The following CMIP variants were observed in gnomAD, a reference collection of about 807,000 sequenced individuals.
The protein encoded by CMIP is c-Maf inducing protein.
A neutral mutation model predicts 97.3 loss-of-function variants in CMIP; 13 were observed. The observed-to-expected ratio is 0.13, with a 90% CI of 0.09 to 0.21. CMIP has a LOEUF of 0.21. Among genes scored for constraint, CMIP ranks in the 10% least tolerant of loss-of-function variants. The probability of loss-of-function intolerance (pLI) is 1.00; values close to 1 mark genes in which losing one functional copy is unlikely to be tolerated. For synonymous variants in CMIP, 538 were observed against 436.3 expected (o/e 1.23, Z -2.91); for missense variants, 847 against 1,024.9 (o/e 0.83, Z 2.37).
At chr16:81,551,052 C>G (rs1181407559) in intron 1 of CMIP, among the ~76,000 whole-genome samples, 1 of 145,910 alleles carries the variant, frequency 6.9e-6, no homozygotes, top group African/African-American at 2.6e-5. Flanking sequence ...GTCACACGCA[C>G]CCCAGTCCCG....
chr16:81,573,543 A>G (rs751283154), intron 1 of CMIP, among the ~76,000 whole-genome samples: 6 of 152,038 alleles, frequency 3.9e-5, no homozygotes, highest in Non-Finnish European at 7.4e-5. Context: ...CTCATATTTG[A>G]TGGTTAAAAA....
intron 1 of CMIP, among the ~76,000 whole-genome samples, chr16:81,532,226 A>T (rs2090251530): frequency 6.6e-6 from 1 of 152,208 alleles, no homozygotes; most frequent in Non-Finnish European, 1.5e-5. Context: ...CACGCTGGCC[A>T]CGGATCACCT....
At chr16:81,582,125 C>T (rs2091305951) in intron 1 of CMIP, among the ~76,000 whole-genome samples, 1 of 152,050 alleles carries the variant, frequency 6.6e-6, no homozygotes, top group East Asian at 1.9e-4. Context: ...CCAACAATAC[C>T]AAGAGGGATG....
chr16:81,626,818 G>GT (rs1567618536), intron 3 of CMIP, among the ~76,000 whole-genome samples: 2 of 124,016 alleles, frequency 1.6e-5, no homozygotes, highest in South Asian at 2.8e-4. Context: ...TGTGTGTGTG[G>GT]GGTGCATATG....
At chr16:81,452,443 C>T (rs1906274865) in intron 1 of CMIP, among the ~76,000 whole-genome samples, 1 of 152,146 alleles carries the variant, frequency 6.6e-6, no homozygotes, top group East Asian at 1.9e-4. Flanking sequence ...CAGGAGCCTG[C>T]CCTCGTGGAG....
chr16:81,648,371 C>T (rs1269245786), intron 3 of CMIP, among the ~76,000 whole-genome samples: 1 of 152,014 alleles, frequency 6.6e-6, no homozygotes, highest in Non-Finnish European at 1.5e-5. Context: ...CAGCTGGCCA[C>T]CCCCTCAGCA....
chr16:81,674,279 G>A (rs1444534413), intron 9 of CMIP, among the ~76,000 whole-genome samples: 1 of 152,226 alleles, frequency 6.6e-6, no homozygotes, highest in African/African-American at 2.4e-5. Flanking sequence ...ACGGAAGCCA[G>A]AGGGTAGTAT....
intron 1 of CMIP, among the ~76,000 whole-genome samples, chr16:81,448,111 C>T (rs1364498726): frequency 2.6e-5 from 4 of 152,216 alleles, no homozygotes; most frequent in African/African-American, 4.8e-5. Flanking sequence ...TCGCAGCAGC[C>T]GCTGGCCCAG....
intron 1 of CMIP, among the ~76,000 whole-genome samples, chr16:81,485,066 A>AC (rs2089294780): frequency 6.6e-6 from 1 of 151,758 alleles, no homozygotes; most frequent in African/African-American, 2.4e-5. Flanking sequence ...GCCTGACTCC[A>AC]CCCCCAGAGG....
intron 20 of CMIP, among the ~76,000 whole-genome samples, chr16:81,707,858 T>C (rs889582): frequency 0.11 from 16,018 of 151,944 alleles, 993 homozygotes; most frequent in Non-Finnish European, 0.14. Context: ...GGCTCAAAGG[T>C]GAGAAGGCAC....
At chr16:81,567,200 C>T (rs1424501138) in intron 1 of CMIP, among the ~76,000 whole-genome samples, 6 of 152,380 alleles carry the variant, frequency 3.9e-5, no homozygotes, top group African/African-American at 7.2e-5. Flanking sequence ...CATCGAAGTC[C>T]GAGGCTTTGC....
chr16:81,473,043 A>C (rs1295626593), intron 1 of CMIP, among the ~76,000 whole-genome samples: 1 of 152,194 alleles, frequency 6.6e-6, no homozygotes, highest in Non-Finnish European at 1.5e-5. Flanking sequence ...GCATACCCTC[A>C]GCATCCTGAT....
rs1252112297 is a variant in CMIP, at chr16:81,696,545, T to C, written c.1531-15T>C. On this transcript the variant is annotated splice_polypyrimidine_tract_variant and intron_variant, in intron 13 of 20. Coordinates refer to ENST00000537098, the MANE Select transcript of CMIP (RefSeq NM_198390.3). ...CTGCATGCAGCTCACACTTGTGTCT[T>C]CCCTTGTCTGGCAGGTCCACTCATG... 6.2e-7 allele frequency: 1 copy of C among 1,600,656 alleles called. No individual in the cohort carries two copies. Among genetic ancestry groups the C allele is most frequent in the East Asian group, 2.2e-5 (1 of 44,794 alleles).
At chr16:81,639,188 C>G (rs1202118651) in intron 3 of CMIP, among the ~76,000 whole-genome samples, 1 of 152,230 alleles carries the variant, frequency 6.6e-6, no homozygotes, top group Non-Finnish European at 1.5e-5. Flanking sequence ...GTCTTCAAGT[C>G]TGTAGAATGG....
At chr16:81,545,507 A>G (rs1032803026) in intron 1 of CMIP, among the ~76,000 whole-genome samples, 3 of 152,192 alleles carry the variant, frequency 2.0e-5, no homozygotes, top group Non-Finnish European at 2.9e-5. Context: ...CCCTGTGCTC[A>G]GTGCTCTATG....
intron 3 of CMIP, among the ~76,000 whole-genome samples, chr16:81,626,412 CTA>C (rs1407656559): frequency 6.1e-5 from 9 of 146,554 alleles, no homozygotes; most frequent in South Asian, 2.2e-4. Context: ...TGTGGGGTGA[CTA>C]TGAGTGTGTG....
chr16:81,548,373 G>A (rs193180460), intron 1 of CMIP, among the ~76,000 whole-genome samples: 3 of 152,178 alleles, frequency 2.0e-5, no homozygotes, highest in African/African-American at 7.2e-5. Flanking sequence ...AGCTGAAGCG[G>A]TCCTCTTGTC....
intron 1 of CMIP, among the ~76,000 whole-genome samples, chr16:81,466,071 A>AT (rs1232543250): frequency 6.8e-6 from 1 of 147,026 alleles, no homozygotes; most frequent in Admixed American, 6.7e-5. Context: ...ATTTTGTCTT[A>AT]TTTTTTTGAG....
At chr16:81,706,918 C>T (rs1221492250) in intron 19 of CMIP, 96 bp from the exon 20 acceptor site, 7 of 1,008,468 alleles carry the variant, frequency 6.9e-6, no homozygotes, top group Admixed American at 1.9e-5. Context: ...AACAGGGGGC[C>T]TGGCACCTGC....
Sources: allele counts gnomAD v4.1 joint callset (sites outside exome capture counted in the v4.1 genomes callset), GRCh38; gene constraint gnomAD v4.1.1; transcripts MANE v1.5; gene names NCBI Gene and HGNC (gene_info 2026-07-23, HGNC 2026-07-21).